ANKRD11: variants seen among roughly 807,000 people sequenced by gnomAD.
The protein encoded by ANKRD11 is ankyrin repeat domain-containing protein 11.
In ANKRD11, 17 loss-of-function variants were observed where a neutral mutation model predicts 195.7. That is an observed-to-expected ratio of 0.09 (90% CI 0.06 to 0.13). ANKRD11 has a LOEUF of 0.13. Ranked by LOEUF, ANKRD11 falls within the 10% of genes least tolerant of loss-of-function variation. The probability of loss-of-function intolerance (pLI) is 1.00; values close to 1 mark genes in which losing one functional copy is unlikely to be tolerated. For synonymous variants in ANKRD11, 1,953 were observed against 1,528.1 expected, an observed-to-expected ratio of 1.28 and a Z score of -6.49; for missense variants, 3,735 against 3,566.1, an observed-to-expected ratio of 1.05 and a Z score of -1.21.
intron 2 of ANKRD11, among the ~76,000 whole-genome samples, chr16:89,390,404 G>C (rs1473041138): frequency 2.0e-5 from 3 of 152,200 alleles, no homozygotes; most frequent in African/African-American, 7.2e-5. Flanking sequence ...CAAACCCCGA[G>C]TGTGGCGTGG....
chr16:89,404,832 G>GA (rs1406544715), intron 2 of ANKRD11, among the ~76,000 whole-genome samples: 2 of 152,236 alleles, frequency 1.3e-5, no homozygotes, highest in African/African-American at 2.4e-5. Flanking sequence ...CCTTGACGCT[G>GA]AATGTACTAC....
chr16:89,463,461 G>A (rs557724711), intron 1 of ANKRD11, among the ~76,000 whole-genome samples: 18 of 152,246 alleles, frequency 1.2e-4, no homozygotes, highest in South Asian at 4.1e-4. Context: ...TTAAACAGAC[G>A]GTTGAAGGCA....
chr16:89,322,259 A>G lies in ANKRD11; in HGVS notation c.-59-5181T>C, dbSNP rs534406627. Among the ~76,000 whole-genome samples the G allele has an allele frequency of 1.7e-4, 26 of 152,358 alleles. 1 individual carries two copies. The South Asian group carries it at 4.6e-3, about 27-fold the overall frequency. On this transcript the variant is annotated intron_variant, in intron 2 of 12. Coordinates refer to ENST00000301030, the MANE Select transcript of ANKRD11 (RefSeq NM_013275.6). ...TCTCTCTCCCTGAACAGATGTGACA[A>G]CATTACCCTCCGAAGACTCCCAGAG... is the stretch of plus-strand genomic sequence containing the variant.
chr16:89,316,920 G>T lies in ANKRD11; in HGVS notation c.87+13C>A. ...TGCGGTGAGCATGCAGGGCTGGGAG[G>T]GGGCAGCATTACCTTTTTCCCAGTC... is the stretch of plus-strand genomic sequence containing the variant. On this transcript the variant is annotated intron_variant, in intron 3 of 12. Coordinates refer to ENST00000301030, the MANE Select transcript of ANKRD11 (RefSeq NM_013275.6). The T allele has an allele frequency of 6.2e-7, 1 of 1,612,146 alleles. No individual in the cohort carries two copies. The highest frequency in any genetic ancestry group is 8.5e-7 in the Non-Finnish European group (1 of 1,179,264).
chr16:89,357,663 T>C (rs1225488720), intron 2 of ANKRD11, among the ~76,000 whole-genome samples: 1 of 152,182 alleles, frequency 6.6e-6, no homozygotes, highest in African/African-American at 2.4e-5. Flanking sequence ...GCACACAGCA[T>C]AACGCGACTC....
chr16:89,326,609 G>A (rs772353928), intron 2 of ANKRD11, among the ~76,000 whole-genome samples: 13 of 152,054 alleles, frequency 8.5e-5, no homozygotes, highest in Non-Finnish European at 8.8e-5. Context: ...AGTCGAGGTG[G>A]CACGCACCTG....
At chr16:89,450,941 C>A (rs917135198) in intron 1 of ANKRD11, among the ~76,000 whole-genome samples, 1 of 152,174 alleles carries the variant, frequency 6.6e-6, no homozygotes, top group African/African-American at 2.4e-5. Flanking sequence ...CCAGCTGGCT[C>A]ACCACCCAGC....
chr16:89,305,757 G>A (rs1217734069), intron 3 of ANKRD11, among the ~76,000 whole-genome samples: 4 of 118,338 alleles, frequency 3.4e-5, no homozygotes, highest in African/African-American at 1.4e-4. Flanking sequence ...CTCCCACTCC[G>A]CAGACACGCG....
chr16:89,490,401 G>C lies in ANKRD11; in HGVS notation c.-301C>G, dbSNP rs909154803. On this transcript the variant is annotated 5_prime_UTR_variant, in exon 1 of 13. Transcript: ENST00000301030. ...CGGGCCCGGCAGAGCTGCGAGGGAC[G>C]GCGGGAGGCGAGCCCGCCCCTCGGG... 3 of 247,658 alleles carry C rather than the reference G, an allele frequency of 1.2e-5. No individual in the cohort carries two copies. Among genetic ancestry groups the C allele is most frequent in the Non-Finnish European group, 2.3e-5 (3 of 130,158 alleles). 15.3% of individuals were successfully genotyped at this position (247,658 alleles called of 1,614,324 possible). A position where few individuals can be genotyped will look rare whatever the true frequency, so the allele number is the denominator to read the frequency against.
rs115868971 is a variant in ANKRD11, at chr16:89,285,718, G to T, written c.893-69C>A. 7.0e-4 allele frequency: 1,068 copies of T among 1,533,110 alleles called. 9 individuals carry two copies. The African/African-American group carries it at 0.013, about 19-fold the overall frequency. 95.0% of individuals were successfully genotyped at this position (1,533,110 alleles called of 1,614,324 possible). A position where few individuals can be genotyped will look rare whatever the true frequency, so the allele number is the denominator to read the frequency against. ...AGCTCTCCCCAGAATGGCAGAGGAGGGAGGCTCTGCAGATGTGTCTGCGGG... is the reference window on the plus strand; with the variant it reads ...AGCTCTCCCCAGAATGGCAGAGGAGTGAGGCTCTGCAGATGTGTCTGCGGG... On this transcript the variant is annotated intron_variant, in intron 8 of 12. Coordinates refer to ENST00000301030, the MANE Select transcript of ANKRD11 (RefSeq NM_013275.6). The surrounding 1 kb of genome is among the most constrained non-coding windows in gnomAD (Gnocchi z 5.6).
At chr16:89,356,955 T>C (rs140962326) in intron 2 of ANKRD11, among the ~76,000 whole-genome samples, 525 of 152,332 alleles carry the variant, frequency 3.4e-3, no homozygotes, top group Non-Finnish European at 6.3e-3. Flanking sequence ...AGCTCCCAAG[T>C]GACCTGTGAC....
chr16:89,307,359 G>C (rs1190299884), intron 3 of ANKRD11, among the ~76,000 whole-genome samples: 1 of 152,166 alleles, frequency 6.6e-6, no homozygotes, highest in Non-Finnish European at 1.5e-5. Flanking sequence ...CACCCAACCT[G>C]CATCCACCAA....
In ANKRD11 at chr16:89,281,126, C is replaced by T. The variant is rs376425467; in HGVS notation, c.5416G>A (p.Gly1806Arg). ...CTCTGCTGCCTGAAGAGCTTGTCTC[C>T]GACGCTGAATTCTTCCTCGGGGGTC... ...RRTPEEEFSV[G>R]DKLFRQQSVP... Residue 1806 changes from glycine to arginine, a missense_variant, in exon 9 of 13, where the codon GGA (glycine) becomes AGA (arginine). Coordinates refer to ENST00000301030, the MANE Select transcript of ANKRD11 (RefSeq NM_013275.6). This position sits in a 1 kb window ranked among gnomAD's most constrained non-coding sequence, Gnocchi z 5.5. 29 of 1,612,778 alleles carry T rather than the reference C, an allele frequency of 1.8e-5. No individual in the cohort carries two copies. Among genetic ancestry groups the T allele is most frequent in the Non-Finnish European group, 2.5e-5 (29 of 1,178,904 alleles).
rs869142504 is a variant in ANKRD11 at position 89,334,144 on chromosome 16, T to TAAAAAAAAAAAAA, written c.-59-17079_-59-17067dup. ...GGTAACATGATGAAACCCTGTGTTTTAAAAAAAAAAAAAAAAAAAAAAAAA... is the reference window on the plus strand; with the variant it reads ...GGTAACATGATGAAACCCTGTGTTTTAAAAAAAAAAAAAAAAAAAAAAAAAAAAAAAAAAAAAA... On this transcript the variant is annotated intron_variant, in intron 2 of 12. Transcript: ENST00000301030. 4.3e-4 allele frequency among the ~76,000 whole-genome samples: 18 copies of TAAAAAAAAAAAAA among 41,410 alleles called. 4 individuals carry two copies. Among genetic ancestry groups the TAAAAAAAAAAAAA allele is most frequent in the African/African-American group, 1.6e-3 (17 of 10,436 alleles). 27.2% of individuals were successfully genotyped at this position (41,410 alleles called of 152,430 possible).
At chr16:89,479,753 C>A (rs1034768195) in intron 1 of ANKRD11, among the ~76,000 whole-genome samples, 2 of 151,974 alleles carry the variant, frequency 1.3e-5, no homozygotes, top group African/African-American at 2.4e-5. Context: ...ACCATCCTGG[C>A]TAACACGGTG....
chr16:89,408,826 A>T (rs1306165699), intron 2 of ANKRD11, among the ~76,000 whole-genome samples: 1 of 152,232 alleles, frequency 6.6e-6, no homozygotes, highest in Non-Finnish European at 1.5e-5. Context: ...AAAATAAGGA[A>T]AATGCAATTT....
intron 9 of ANKRD11, chr16:89,277,348 ACCTGGGCCTG>A (rs2033743131): frequency 6.6e-6 from 1 of 152,256 alleles, no homozygotes. Flanking sequence ...AGCACCTGGC[ACCTGGGCCTG>A]CCTGGGTCTA....
chr16:89,342,951 A>G (rs1291031962), intron 2 of ANKRD11, among the ~76,000 whole-genome samples: 1 of 151,280 alleles, frequency 6.6e-6, no homozygotes, highest in Admixed American at 6.6e-5. Context: ...TACATGCTTC[A>G]TAATTCCGAA....
In ANKRD11 at chr16:89,291,451, C is replaced by T. The variant is rs1256819674; in HGVS notation, c.227-268G>A. 6.6e-6 allele frequency among the ~76,000 whole-genome samples: 1 copy of T among 152,212 alleles called. No homozygotes were observed. The highest frequency in any genetic ancestry group is 2.4e-5 in the African/African-American group (1 of 41,452). ...AGCCTGGGCCTCCACCGAGCATCCA[C>T]TCACTCCAGGCACCTCTCCTGGGCC... On this transcript the variant is annotated intron_variant, in intron 4 of 12. Coordinates refer to ENST00000301030, the MANE Select transcript of ANKRD11 (RefSeq NM_013275.6). The surrounding 1 kb of genome is among the most constrained non-coding windows in gnomAD (Gnocchi z 5.3).
Sources: gnomAD v4.1 joint callset for allele counts (sites outside exome capture counted in the v4.1 genomes callset) on GRCh38, gnomAD v4.1.1 for gene constraint, Gnocchi (gnomAD v3.1) non-coding constraint, MANE v1.5 for transcripts, NCBI Gene and HGNC (gene_info 2026-07-23, HGNC 2026-07-21) for gene names.